DCBLD1: variants seen among roughly 807,000 people sequenced by gnomAD.
DCBLD1 encodes discoidin, CUB and LCCL domain-containing protein 1.
In DCBLD1, 57 loss-of-function variants were observed where a neutral mutation model predicts 71.5. The ratio of observed to expected loss-of-function variants is 0.80; its 90% CI spans 0.64 to 0.99. The LOEUF (loss-of-function observed/expected upper bound fraction) is 0.99. DCBLD1 is among the 50% of genes least tolerant of loss of function. The probability of loss-of-function intolerance (pLI) is 0.00; values close to 1 mark genes in which losing one functional copy is unlikely to be tolerated. For synonymous variants in DCBLD1, 380 were observed against 363.8 expected, an observed-to-expected ratio of 1.04 and a Z score of -0.51; for missense variants, 891 against 923.5, an observed-to-expected ratio of 0.96 and a Z score of 0.46.
intron 4 of DCBLD1, among the ~76,000 whole-genome samples, chr6:117,524,092 G>A (rs531386357): frequency 6.6e-6 from 1 of 152,232 alleles, no homozygotes; most frequent in South Asian, 2.1e-4. Context: ...TAGTGCTGGA[G>A]CCTGTGTCAC....
intron 14 of DCBLD1, among the ~76,000 whole-genome samples, chr6:117,556,978 C>CT (rs34703019): frequency 0.3 from 44,982 of 151,298 alleles, 7,291 homozygotes; most frequent in African/African-American, 0.41. Context: ...TGATGTTGAA[C>CT]TTTTTTTTTC....
intron 2 of DCBLD1, among the ~76,000 whole-genome samples, chr6:117,518,909 T>TCGTTATAAAAA (rs1441895619): frequency 1.3e-5 from 2 of 152,234 alleles, no homozygotes; most frequent in Non-Finnish European, 2.9e-5. Flanking sequence ...TTATTCGTAT[T>TCGTTATAAAAA]GACTTGGAGC....
downstream of DCBLD1, among the ~76,000 whole-genome samples, chr6:117,551,385 ATTTAT>A (rs2114584388): frequency 6.6e-6 from 1 of 150,592 alleles, no homozygotes; most frequent in African/African-American, 2.4e-5. Flanking sequence ...TTATTTATTT[ATTTAT>A]TTATTTTTAG....
chr6:117,536,965 A>G (rs528412303), intron 6 of DCBLD1, among the ~76,000 whole-genome samples: 1 of 152,338 alleles, frequency 6.6e-6, no homozygotes, highest in Admixed American at 6.5e-5. Flanking sequence ...CTTGTCACTT[A>G]TATGAATTTA....
intron 1 of DCBLD1, among the ~76,000 whole-genome samples, chr6:117,497,660 T>C (rs577016279): frequency 1.1e-4 from 17 of 152,240 alleles, no homozygotes; most frequent in Admixed American, 8.5e-4. Flanking sequence ...TAATATATCT[T>C]TCTTCTCTTG....
intron 14 of DCBLD1, among the ~76,000 whole-genome samples, chr6:117,546,359 G>A (rs1486137004): frequency 6.6e-6 from 1 of 152,030 alleles, no homozygotes; most frequent in South Asian, 2.1e-4. Flanking sequence ...CCCTCCTCAC[G>A]TGCAGCCTGA....
rs751588841 is a variant in DCBLD1, at chr6:117,538,697, G to A, written c.838G>A (p.Gly280Arg). 6.2e-7 allele frequency: 1 copy of A among 1,614,138 alleles called. No homozygotes were observed. Among genetic ancestry groups the A allele is most frequent in the Admixed American group, 1.7e-5 (1 of 60,018 alleles). ...CTCATGGCAGTCGGTCAATGAGAGT[G>A]GAGACCAAGTTCACTGGTCTCCTGG... The part of the protein sequence containing the change: ...SSSWQSVNES[G>R]DQVHWSPGQA... Residue 280 changes from glycine to arginine, a missense_variant, in exon 8 of 15, where the codon GGA (glycine) becomes AGA (arginine). Coordinates refer to ENST00000338728, the MANE Select transcript of DCBLD1 (RefSeq NM_001366458.2).
At position 117,525,382 on chromosome 6, in the gene DCBLD1, G is replaced by T; in HGVS notation, c.533G>T (p.Cys178Phe). ...TCCAGCAAATTCTGCCCAGCTGGTT[G>T]TAGAGACGTAGCAGGAGACATTTCT... Reference protein sequence around the residue: ...TEYSKFCPAGCRDVAGDISGN... With the variant: ...TEYSKFCPAGFRDVAGDISGN... The change falls in exon 5 of 15, where the codon TGT becomes TTT. Residue 178 changes from cysteine to phenylalanine, a missense_variant. Cys to Phe is a radical substitution (Grantham distance 205, BLOSUM62 -2). Coordinates refer to ENST00000338728, the MANE Select transcript of DCBLD1 (RefSeq NM_001366458.2). 7 of 1,495,720 alleles carry T rather than the reference G, an allele frequency of 4.7e-6. No individual in the cohort carries two copies. The highest frequency in any genetic ancestry group is 6.2e-6 in the Non-Finnish European group (7 of 1,121,742). The allele number at this position is 1,495,720 out of a possible 1,614,324, so 92.7% of individuals were successfully genotyped here.
chr6:117,532,562 A>G (rs1388497308), intron 6 of DCBLD1, among the ~76,000 whole-genome samples, 169 bp downstream of exon 6: 1 of 152,248 alleles, frequency 6.6e-6, no homozygotes, highest in Non-Finnish European at 1.5e-5. Context: ...TGCATGGATG[A>G]TAAATGTAGC....
intron 14 of DCBLD1, among the ~76,000 whole-genome samples, chr6:117,566,463 ATACT>A (rs1479528966): frequency 1.3e-5 from 2 of 152,218 alleles, no homozygotes; most frequent in Non-Finnish European, 2.9e-5. Context: ...AGTATACTTC[ATACT>A]TATTCATAAT....
chr6:117,568,415 G>A (rs1394829222), intron 14 of DCBLD1, among the ~76,000 whole-genome samples: 1 of 152,122 alleles, frequency 6.6e-6, no homozygotes. Context: ...AGCAGTTTAA[G>A]GTTATACCTC....
At chr6:117,518,695 C>G (rs1199763983) in intron 2 of DCBLD1, among the ~76,000 whole-genome samples, 1 of 152,054 alleles carries the variant, frequency 6.6e-6, no homozygotes, top group East Asian at 1.9e-4. Context: ...AGGGGAACTC[C>G]TTTTTTAAAA....
intron 2 of DCBLD1, among the ~76,000 whole-genome samples, chr6:117,505,398 G>C (rs1020171471): frequency 6.6e-6 from 1 of 152,186 alleles, no homozygotes; most frequent in Admixed American, 6.5e-5. Flanking sequence ...AGTGTGAAAA[G>C]TGATGCAAAG....
At position 117,510,233 on chromosome 6, in the gene DCBLD1, G is replaced by C. The variant is rs114667250; in HGVS notation, c.325+6254G>C. Reference sequence around the variant, plus strand: ...ATGCCATTTCCCAAATGCATCATACGGTTTCATGGCCTAGTACATTTTTAC... The same window carrying C: ...ATGCCATTTCCCAAATGCATCATACCGTTTCATGGCCTAGTACATTTTTAC... On this transcript the variant is annotated intron_variant, in intron 2 of 14. Coordinates refer to ENST00000338728, the MANE Select transcript of DCBLD1 (RefSeq NM_001366458.2). Among the ~76,000 whole-genome samples the C allele has an allele frequency of 4.6e-3, 696 of 151,934 alleles. 6 individuals carry two copies. Among genetic ancestry groups the C allele is most frequent in the African/African-American group, 0.015 (631 of 41,414 alleles).
intron 3 of DCBLD1, among the ~76,000 whole-genome samples, chr6:117,520,966 C>T (rs10484301): frequency 0.12 from 17,709 of 152,274 alleles, 1,158 homozygotes; most frequent in Middle Eastern, 0.17. Context: ...TCCACTGTAT[C>T]TTAGCCTCTA....
intron 2 of DCBLD1, among the ~76,000 whole-genome samples, chr6:117,515,075 A>G (rs1410533675): frequency 6.8e-6 from 1 of 148,002 alleles, no homozygotes; most frequent in Non-Finnish European, 1.5e-5. Flanking sequence ...GCTGAAATGC[A>G]GTGGTGGGAT....
chr6:117,533,052 C>T (rs181798924), intron 6 of DCBLD1, among the ~76,000 whole-genome samples: 172 of 152,096 alleles, frequency 1.1e-3, no homozygotes, highest in African/African-American at 3.9e-3. Context: ...GTGGTCCAGA[C>T]GTCCACACAT....
chr6:117,533,656 T>A (rs567769911), intron 6 of DCBLD1, among the ~76,000 whole-genome samples: 1 of 152,354 alleles, frequency 6.6e-6, no homozygotes, highest in Admixed American at 6.5e-5. Context: ...CATATAAACT[T>A]TGGGACTAAC....
chr6:117,500,926 T>C (rs907711733), intron 1 of DCBLD1, among the ~76,000 whole-genome samples: 2 of 152,042 alleles, frequency 1.3e-5, no homozygotes, highest in African/African-American at 4.8e-5. Flanking sequence ...AAAAATAAAA[T>C]TTAGAATATG....
Sources: gnomAD v4.1 joint callset for allele counts (sites outside exome capture counted in the v4.1 genomes callset) on GRCh38, gnomAD v4.1.1 for gene constraint, MANE v1.5 for transcripts, NCBI Gene and HGNC (gene_info 2026-07-23, HGNC 2026-07-21) for gene names.